Variants in SGCZ observed in about 807,000 individuals in gnomAD.
SGCZ encodes the protein zeta-sarcoglycan.
SGCZ carries 40 observed loss-of-function variants against 41.3 expected under a neutral mutation model. The observed-to-expected ratio is 0.97, with a 90% CI of 0.75 to 1.26. The LOEUF (loss-of-function observed/expected upper bound fraction) is 1.26, where lower values mean the gene tolerates loss of function less well. SGCZ is among the 50% of genes most tolerant of loss of function. SGCZ has a pLI of 0.00. For missense variants in SGCZ, 552 were observed against 369.8 expected (o/e 1.49, Z -4.04); for synonymous variants, 206 against 137.5 (o/e 1.50, Z -3.49).
rs559448312 is a variant in SGCZ, at chr8:15,162,949, G to A, written c.39+74636C>T. Among the ~76,000 whole-genome samples, 11 of 152,276 alleles carry A rather than the reference G, an allele frequency of 7.2e-5. No homozygotes were observed. The South Asian group carries it at 8.3e-4, about 11-fold the overall frequency. ...TGAAAGAGGAGAAGTAAAAGTGGTC[G>A]GAGTAGGCAGCAGTAAATTTGCATA... is the stretch of plus-strand genomic sequence containing the variant. On this transcript the variant is annotated intron_variant, in intron 1 of 7. Transcript: ENST00000382080.
intron 3 of SGCZ, among the ~76,000 whole-genome samples, chr8:14,271,252 T>A (rs1800048973): frequency 6.6e-6 from 1 of 152,160 alleles, no homozygotes; most frequent in Non-Finnish European, 1.5e-5. Context: ...AAGGAAATCT[T>A]AAAAAGATCT....
At chr8:14,463,544 G>C (rs948981264) in intron 2 of SGCZ, among the ~76,000 whole-genome samples, 5 of 151,262 alleles carry the variant, frequency 3.3e-5, no homozygotes, top group African/African-American at 9.7e-5. Flanking sequence ...ATTTTTTTAA[G>C]GAAACATTGG....
intron 1 of SGCZ, among the ~76,000 whole-genome samples, chr8:14,957,404 A>G (rs1372441096): frequency 6.6e-6 from 1 of 152,088 alleles, no homozygotes; most frequent in African/African-American, 2.4e-5. Context: ...TGTATTTTTC[A>G]TAAAACTTAT....
chr8:14,673,323 G>A (rs1025812896), intron 1 of SGCZ, among the ~76,000 whole-genome samples: 6 of 152,024 alleles, frequency 3.9e-5, no homozygotes, highest in African/African-American at 1.5e-4. Flanking sequence ...TATCATGGGG[G>A]TGGTTTCCCC....
intron 1 of SGCZ, among the ~76,000 whole-genome samples, chr8:14,838,738 G>A (rs894491756): frequency 6.6e-6 from 1 of 152,252 alleles, no homozygotes; most frequent in African/African-American, 2.4e-5. Flanking sequence ...TAAGACCCTG[G>A]AGTATAAAAT....
rs552017332 is a variant in SGCZ, at chr8:15,030,619, T to C, written c.39+206966A>G. Reference sequence around the variant, plus strand: ...TAAAGACATTCGTTAAGTGGAGTATTTGTTGAGTATCTACTGCGCACAAGG... The same window carrying C: ...TAAAGACATTCGTTAAGTGGAGTATCTGTTGAGTATCTACTGCGCACAAGG... On this transcript the variant is annotated intron_variant, in intron 1 of 7. Transcript: ENST00000382080. Among the ~76,000 whole-genome samples the C allele has an allele frequency of 7.9e-5, 12 of 152,262 alleles. No homozygotes were observed. The South Asian group carries it at 2.5e-3, about 32-fold the overall frequency.
chr8:14,432,315 T>C (rs117297642), intron 2 of SGCZ, among the ~76,000 whole-genome samples: 8,060 of 152,212 alleles, frequency 0.053, 529 homozygotes, highest in East Asian at 0.32. Context: ...AAAGAAACTG[T>C]GGTACATACA....
chr8:14,453,065 A>G (rs1462018742), intron 2 of SGCZ, among the ~76,000 whole-genome samples: 2 of 151,854 alleles, frequency 1.3e-5, no homozygotes, highest in African/African-American at 4.8e-5. Flanking sequence ...ATGAGATGGT[A>G]CCACTGAACT....
chr8:14,222,429 A>C (rs1210853550), intron 4 of SGCZ, among the ~76,000 whole-genome samples: 1 of 151,922 alleles, frequency 6.6e-6, no homozygotes, highest in Non-Finnish European at 1.5e-5. Context: ...CCGCCTCCCA[A>C]AGTGCTAAGA....
At chr8:14,389,648 T>C (rs1439583865) in intron 2 of SGCZ, among the ~76,000 whole-genome samples, 2 of 151,870 alleles carry the variant, frequency 1.3e-5, no homozygotes, top group Non-Finnish European at 2.9e-5. Context: ...TGTAGAAAAT[T>C]AGTACTTAAG....
chr8:14,997,792 T>A (rs1209612003), intron 1 of SGCZ, among the ~76,000 whole-genome samples: 1 of 152,038 alleles, frequency 6.6e-6, no homozygotes, highest in East Asian at 1.9e-4. Context: ...AAACCTAGTC[T>A]CTACTAAAAA....
intron 1 of SGCZ, among the ~76,000 whole-genome samples, chr8:14,574,252 C>A (rs986420639): frequency 6.6e-6 from 1 of 152,136 alleles, no homozygotes; most frequent in East Asian, 1.9e-4. Context: ...GCCTCAGAAG[C>A]AAAGATTCTT....
intron 1 of SGCZ, among the ~76,000 whole-genome samples, chr8:14,730,295 A>G (rs778080146): frequency 6.6e-6 from 1 of 152,210 alleles, no homozygotes; most frequent in Non-Finnish European, 1.5e-5. Flanking sequence ...AGATATAGAG[A>G]AAAATAAACA....
At chr8:14,509,272 T>C (rs547950775) in intron 2 of SGCZ, among the ~76,000 whole-genome samples, 1 of 152,158 alleles carries the variant, frequency 6.6e-6, no homozygotes, top group South Asian at 2.1e-4. Context: ...AGCAAACATG[T>C]AGTCTGTAAT....
rs532933718 is a variant in SGCZ at position 14,440,429 on chromosome 8, T to A, written c.234+114303A>T. Among the ~76,000 whole-genome samples the A allele has an allele frequency of 2.0e-5, 3 of 152,274 alleles. 1 individual carries two copies. The highest frequency in any genetic ancestry group is 7.2e-5 in the African/African-American group (3 of 41,570). Reference sequence around the variant, plus strand: ...CATTATTACATTTTGTCACACTTTTTTCCGCCTGGGTTTGTTGGCCAGAAC... The same window carrying A: ...CATTATTACATTTTGTCACACTTTTATCCGCCTGGGTTTGTTGGCCAGAAC... On this transcript the variant is annotated intron_variant, in intron 2 of 7. Transcript: ENST00000382080.
intron 1 of SGCZ, among the ~76,000 whole-genome samples, chr8:14,605,668 T>G (rs1221867725): frequency 2.0e-5 from 3 of 152,210 alleles, no homozygotes; most frequent in African/African-American, 7.2e-5. Context: ...TCACTCATCA[T>G]GTTTACTATG....
At chr8:15,039,210 A>G (rs1402678507) in intron 1 of SGCZ, among the ~76,000 whole-genome samples, 1 of 152,204 alleles carries the variant, frequency 6.6e-6, no homozygotes, top group Non-Finnish European at 1.5e-5. Context: ...ACAATAGCCA[A>G]GATATGGAAT....
At chr8:14,606,877 T>A (rs1805767974) in intron 1 of SGCZ, among the ~76,000 whole-genome samples, 1 of 152,204 alleles carries the variant, frequency 6.6e-6, no homozygotes, top group Non-Finnish European at 1.5e-5. Flanking sequence ...GTTTTTACAG[T>A]TAAGACTATT....
At chr8:14,151,332 T>C (rs1443827908) in intron 5 of SGCZ, among the ~76,000 whole-genome samples, 1 of 151,844 alleles carries the variant, frequency 6.6e-6, no homozygotes, top group African/African-American at 2.4e-5. Flanking sequence ...AATTAAAAAA[T>C]TAAACCATAC....
Sources: allele counts gnomAD v4.1 joint callset (sites outside exome capture counted in the v4.1 genomes callset), GRCh38; gene constraint gnomAD v4.1.1; transcripts MANE v1.5; gene names NCBI Gene and HGNC (gene_info 2026-07-23, HGNC 2026-07-21).